The following SPMIP7 variants were observed in gnomAD, a reference collection of about 807,000 sequenced individuals.
SPMIP7 encodes the protein protein SPMIP7.
the SPMIP7 span, chr7:50,142,926 T>C: frequency 1.3e-5 from 2 of 152,328 alleles, no homozygotes; most frequent in East Asian, 3.9e-4. Flanking sequence ...CAGGAGAATA[T>C]AAACAATATG....
At chr7:50,147,784 C>T in the SPMIP7 span, among the ~76,000 whole-genome samples, 1 of 152,132 alleles carries the variant, frequency 6.6e-6, no homozygotes, top group Non-Finnish European at 1.5e-5. Context: ...ATAATATATT[C>T]AAATTTATCA....
the SPMIP7 span, among the ~76,000 whole-genome samples, chr7:50,139,132 C>A: frequency 2.0e-5 from 3 of 151,922 alleles, no homozygotes; most frequent in African/African-American, 7.3e-5. Context: ...AGGCAGATCA[C>A]GAGGTCAGGA....
At chr7:50,102,391 C>T in the SPMIP7 span, among the ~76,000 whole-genome samples, 1 of 152,152 alleles carries the variant, frequency 6.6e-6, no homozygotes, top group Non-Finnish European at 1.5e-5. Flanking sequence ...GGGGAAAAAT[C>T]AACTTCCAAG....
the SPMIP7 span, among the ~76,000 whole-genome samples, chr7:50,152,664 T>TTTTATTTATTTATTTATTTA: frequency 7.8e-5 from 11 of 141,434 alleles, no homozygotes; most frequent in South Asian, 4.6e-4. Flanking sequence ...TTATCACACA[T>TTTTATTTATTTATTTATTTA]TTTATTTATT....
chr7:50,148,601 G>A, the SPMIP7 span, among the ~76,000 whole-genome samples: 5 of 152,334 alleles, frequency 3.3e-5, no homozygotes, highest in Admixed American at 1.3e-4. Flanking sequence ...AGAGACACAC[G>A]CATGAATAAC....
the SPMIP7 span, among the ~76,000 whole-genome samples, chr7:50,125,237 TACAC>T: frequency 1.1e-3 from 92 of 86,186 alleles, 2 homozygotes; most frequent in Admixed American, 0.01. Context: ...CACATATATA[TACAC>T]ATATATACAC....
chr7:50,096,673 A>T, the SPMIP7 span: 2 of 1,457,366 alleles, frequency 1.4e-6, no homozygotes, highest in Non-Finnish European at 1.8e-6. Context: ...TATTTTTTAA[A>T]TGCTCAAGGG....
At chr7:50,117,251 A>G in the SPMIP7 span, 10 of 456,016 alleles carry the variant, frequency 2.2e-5, no homozygotes, top group African/African-American at 4.0e-5. Context: ...AGGAGTACTT[A>G]CCCAAAAACA....
chr7:50,155,247 C>T, the SPMIP7 span, among the ~76,000 whole-genome samples: 4 of 152,228 alleles, frequency 2.6e-5, no homozygotes, highest in East Asian at 7.7e-4. Flanking sequence ...GGGTGTGATA[C>T]ACAAGAAACC....
the SPMIP7 span, chr7:50,142,967 C>T: frequency 6.6e-6 from 1 of 152,166 alleles, no homozygotes; most frequent in African/African-American, 2.4e-5. Context: ...CATGCGCCTA[C>T]TTTGTGCCAA....
the SPMIP7 span, among the ~76,000 whole-genome samples, chr7:50,115,613 G>A: frequency 6.6e-6 from 1 of 151,874 alleles, no homozygotes; most frequent in African/African-American, 2.4e-5. Flanking sequence ...AAAGATGCCT[G>A]GTAAAAAATA....
At chr7:50,148,857 T>C in the SPMIP7 span, among the ~76,000 whole-genome samples, 1 of 152,132 alleles carries the variant, frequency 6.6e-6, no homozygotes, top group Non-Finnish European at 1.5e-5. Context: ...CATTAAAATA[T>C]GGGGCTGGGC....
chr7:50,155,812 C>T, the SPMIP7 span, among the ~76,000 whole-genome samples: 10 of 636 alleles, frequency 0.016, no homozygotes, highest in Non-Finnish European at 0.037. Context: ...ATACTACACA[C>T]ATGGCTGTCA....
the SPMIP7 span, among the ~76,000 whole-genome samples, chr7:50,126,404 C>G: frequency 6.6e-6 from 1 of 150,980 alleles, no homozygotes; most frequent in Non-Finnish European, 1.5e-5. Flanking sequence ...AGAAGACTTA[C>G]CACAGTGAAA....
At chr7:50,151,869 G>C in the SPMIP7 span, among the ~76,000 whole-genome samples, 1 of 152,140 alleles carries the variant, frequency 6.6e-6, no homozygotes, top group South Asian at 2.1e-4. Flanking sequence ...TTAGAGGAAT[G>C]GCATCTTTAC....
At chr7:50,124,044 A>G in the SPMIP7 span, among the ~76,000 whole-genome samples, 3 of 152,190 alleles carry the variant, frequency 2.0e-5, no homozygotes, top group South Asian at 4.1e-4. Flanking sequence ...AAGTCAATGA[A>G]AAATACATAC....
At chr7:50,134,744 T>C in the SPMIP7 span, among the ~76,000 whole-genome samples, 2 of 152,356 alleles carry the variant, frequency 1.3e-5, no homozygotes, top group African/African-American at 4.8e-5. Flanking sequence ...TTTTCAGTAG[T>C]GACACTCATT....
chr7:50,122,521 C>T, the SPMIP7 span, among the ~76,000 whole-genome samples: 10 of 151,404 alleles, frequency 6.6e-5, no homozygotes, highest in Non-Finnish European at 1.3e-4. Flanking sequence ...GACTTCATGT[C>T]TAAAACACTA....
the SPMIP7 span, among the ~76,000 whole-genome samples, chr7:50,103,330 T>C: frequency 2.0e-5 from 3 of 152,152 alleles, no homozygotes; most frequent in Non-Finnish European, 4.4e-5. Flanking sequence ...TCGATCTCTA[T>C]GGAAACTACC....
Sources: gnomAD v4.1 joint callset for allele counts (sites outside exome capture counted in the v4.1 genomes callset) on GRCh38, gnomAD v4.1.1 for gene constraint, MANE v1.5 for transcripts, NCBI Gene and HGNC (gene_info 2026-07-23, HGNC 2026-07-21) for gene names.